Variants in GAS6 observed in about 807,000 individuals in gnomAD.
GAS6 encodes growth arrest specific 6, also known as growth arrest-specific protein 6.
In GAS6, 41 loss-of-function variants were observed where a neutral mutation model predicts 75.8. That is an observed-to-expected ratio of 0.54 (90% CI 0.42 to 0.70). The LOEUF (loss-of-function observed/expected upper bound fraction) is 0.70. Among genes scored for constraint, GAS6 ranks in the 30% least tolerant of loss-of-function variants. GAS6 has a pLI of 0.00. For missense variants in GAS6, 854 were observed against 940.2 expected, an observed-to-expected ratio of 0.91 and a Z score of 1.20; for synonymous variants, 432 against 412.6, an observed-to-expected ratio of 1.05 and a Z score of -0.57.
intron 2 of GAS6, among the ~76,000 whole-genome samples, chr13:113,862,340 T>G (rs1278917489): frequency 6.6e-6 from 1 of 152,136 alleles, no homozygotes; most frequent in South Asian, 2.1e-4. Context: ...CGCAGAATGT[T>G]CCGGGTGAGG....
Position 113,823,488 on chromosome 13 carries a change from G to T in GAS6, c.1540C>A (p.Arg514Ser). 6.2e-7 allele frequency: 1 copy of T among 1,612,772 alleles called. No individual in the cohort carries two copies. The highest frequency in any genetic ancestry group is 8.5e-7 in the Non-Finnish European group (1 of 1,179,952). ...TWEVEVVAHI[R>S]PAADTGVLFA... ...AGCACGCCTGTGTCTGCGGCTGGGCGGATGTGAGCCACGACTTCTACTTCC... is the reference window on the plus strand; with the variant it reads ...AGCACGCCTGTGTCTGCGGCTGGGCTGATGTGAGCCACGACTTCTACTTCC... The change falls in exon 13 of 15, where the codon CGC (arginine) becomes AGC (serine). Residue 514 changes from arginine to serine, a missense_variant. Arg to Ser is a moderately radical substitution (Grantham distance 110). Coordinates refer to ENST00000327773, the MANE Select transcript of GAS6 (RefSeq NM_000820.4).
chr13:113,820,949 C>T lies in GAS6; in HGVS notation c.1952G>A (p.Arg651Lys). 6.2e-7 allele frequency: 1 copy of T among 1,612,698 alleles called. No individual in the cohort carries two copies. The highest frequency in any genetic ancestry group is 8.5e-7 in the Non-Finnish European group (1 of 1,179,900). ...RGCMTLEVNR[R>K]LLDLDEAAYK... ...CGCCGCCTCGTCCAGGTCCAGCAGC[C>T]TCCGGTTGACCTCCAGTGTCATGCA... The change falls in exon 15 of 15, where the codon AGG becomes AAG. Residue 651 changes from arginine (R) to lysine (K), a missense_variant. Coordinates refer to ENST00000327773, the MANE Select transcript of GAS6 (RefSeq NM_000820.4).
At chr13:113,836,807 A>C (rs1206951555) in intron 6 of GAS6, among the ~76,000 whole-genome samples, 1 of 107,294 alleles carries the variant, frequency 9.3e-6, no homozygotes, top group Admixed American at 9.3e-5. Flanking sequence ...AGGAGGAGGA[A>C]GATGAGGAGG....
intron 2 of GAS6, among the ~76,000 whole-genome samples, chr13:113,856,039 C>A (rs2051911591): frequency 6.6e-6 from 1 of 152,230 alleles, no homozygotes; most frequent in Non-Finnish European, 1.5e-5. Flanking sequence ...TCTGGCCTCA[C>A]TGAGCAGCAA....
chr13:113,821,224 C>T (rs2051453673), intron 14 of GAS6: 1 of 597,076 alleles, frequency 1.7e-6, no homozygotes, highest in Admixed American at 2.9e-5. Context: ...CTGGGCTCTG[C>T]AGACGCCAGC....
intron 4 of GAS6, chr13:113,843,425 G>A (rs1342736624): frequency 1.3e-5 from 2 of 151,206 alleles, no homozygotes; most frequent in Non-Finnish European, 2.9e-5. Context: ...CCCGAGGGAA[G>A]GGCGAGGGGA....
At chr13:113,854,058 T>C (rs1180590898) in intron 2 of GAS6, among the ~76,000 whole-genome samples, 2 of 152,176 alleles carry the variant, frequency 1.3e-5, no homozygotes, top group African/African-American at 2.4e-5. Context: ...ACAGTCAGTA[T>C]ACCCGGCATG....
chr13:113,849,963 G>A (rs2051860751), intron 2 of GAS6, among the ~76,000 whole-genome samples: 1 of 152,134 alleles, frequency 6.6e-6, no homozygotes, highest in Non-Finnish European at 1.5e-5. Context: ...ACTCCTGAGA[G>A]AAAGAAAAAG....
At chr13:113,834,810 G>A in intron 7 of GAS6, 138 bp from the exon 8 acceptor site, 17 of 963,558 alleles carry the variant, frequency 1.8e-5, no homozygotes, top group Non-Finnish European at 2.2e-5. Context: ...GGCGGCTTGG[G>A]GGTCGCGTCC....
chr13:113,843,113 G>A, intron 4 of GAS6: 1 of 353,700 alleles, frequency 2.8e-6, no homozygotes. Flanking sequence ...GAAAGCGATG[G>A]AGACAGAAAC....
chr13:113,855,665 G>A (rs191939249), intron 2 of GAS6, among the ~76,000 whole-genome samples: 2 of 152,220 alleles, frequency 1.3e-5, no homozygotes, highest in East Asian at 1.9e-4. Context: ...CGGGAGTCAC[G>A]CCCCGGCCTC....
chr13:113,839,921 CG>C, intron 4 of GAS6, 71 bp from the exon 5 acceptor site: 3 of 1,607,918 alleles, frequency 1.9e-6, no homozygotes. Flanking sequence ...CAGCTGAGAT[CG>C]GGGCGGCTGT....
intron 14 of GAS6, chr13:113,821,533 G>A: frequency 4.3e-6 from 1 of 234,048 alleles, no homozygotes; most frequent in East Asian, 9.5e-5. Context: ...GTAGCCCATG[G>A]GACACGGCAG....
Position 113,837,394 on chromosome 13 carries a change from C to T in GAS6, c.589+675G>A, listed in dbSNP as rs1156783737. ...CGGTGTCCTGGACAGTCAGCAGCAG[C>T]GCTAAGAACTATGCCAGAAACTCTC... On this transcript the variant is annotated intron_variant, in intron 6 of 14. Coordinates refer to ENST00000327773, the MANE Select transcript of GAS6 (RefSeq NM_000820.4). The surrounding 1 kb of genome is among the most constrained non-coding windows in gnomAD (Gnocchi z 5.1). 6.6e-6 allele frequency among the ~76,000 whole-genome samples: 1 copy of T among 152,058 alleles called. No individual in the cohort carries two copies. Among genetic ancestry groups the T allele is most frequent in the Non-Finnish European group, 1.5e-5 (1 of 68,002 alleles).
chr13:113,835,081 T>C (rs1395414728), intron 7 of GAS6, among the ~76,000 whole-genome samples: 1 of 152,222 alleles, frequency 6.6e-6, no homozygotes, highest in Non-Finnish European at 1.5e-5. Flanking sequence ...CCCCACCCTC[T>C]CTGTCTGCCT....
In GAS6 at chr13:113,832,655, A is replaced by G. The variant is rs769346633; in HGVS notation, c.932T>C (p.Phe311Ser). 2.5e-6 allele frequency: 4 copies of G among 1,612,690 alleles called. No individual in the cohort carries two copies. In the East Asian group the frequency reaches 6.7e-5, roughly 27 times the overall value. ...FSGTPVIRLR[F>S]KRLQPTRLVA... The stretch of plus-strand genomic sequence containing the variant: ...TCACCTGGTGGGCTGCAGCCTCTTG[A>G]AGCGCAGTCGGATCACGGGGGTCCC... The change falls in exon 9 of 15, where the codon TTC (phenylalanine) becomes TCC (serine). Residue 311 changes from phenylalanine (F) to serine (S), a missense_variant. Transcript: ENST00000327773.
At chr13:113,842,433 C>T (rs2051795937) in intron 4 of GAS6, 2 of 395,130 alleles carry the variant, frequency 5.1e-6, no homozygotes, top group South Asian at 1.4e-4. Context: ...AGGGATTCTG[C>T]ATCAGCACAG....
intron 4 of GAS6, among the ~76,000 whole-genome samples, chr13:113,846,186 C>T (rs746574764): frequency 2.0e-5 from 3 of 150,338 alleles, no homozygotes; most frequent in Non-Finnish European, 2.9e-5. Flanking sequence ...GTGTGAAGAG[C>T]GGAAGGCCGC....
At position 113,852,518 on chromosome 13, in the gene GAS6, T is replaced by A. The variant is rs533713207; in HGVS notation, c.256-4468A>T. On this transcript the variant is annotated intron_variant, in intron 2 of 14. Transcript: ENST00000327773. ...GTCTAACATGAGGCCCCAAATTTGT[T>A]ATAAAACTACAGAAAGTGTCTGATG... 2.6e-5 allele frequency among the ~76,000 whole-genome samples: 4 copies of A among 152,242 alleles called. No individual in the cohort carries two copies. In the South Asian group the frequency reaches 6.2e-4, roughly 24 times the overall value.
Sources: allele counts gnomAD v4.1 joint callset (sites outside exome capture counted in the v4.1 genomes callset), GRCh38; gene constraint gnomAD v4.1.1; non-coding constraint Gnocchi (gnomAD v3.1); transcripts MANE v1.5; gene names NCBI Gene and HGNC (gene_info 2026-07-23, HGNC 2026-07-21).